Variants in PDZRN4 observed in about 807,000 individuals in gnomAD.
PDZRN4 encodes the protein PDZ domain containing ring finger 4, also known as PDZ domain-containing RING finger protein 4.
In PDZRN4, 70 loss-of-function variants were observed where a neutral mutation model predicts 99.0. The observed-to-expected ratio is 0.71, with a 90% CI of 0.58 to 0.86. The LOEUF is 0.86. Ranked by LOEUF, PDZRN4 falls within the 40% of genes least tolerant of loss-of-function variation. The probability of loss-of-function intolerance (pLI) is 0.00; values close to 1 mark genes in which losing one functional copy is unlikely to be tolerated. For missense variants in PDZRN4, 1,474 were observed against 1,331.2 expected (o/e 1.11, Z -1.67); for synonymous variants, 551 against 501.6 (o/e 1.10, Z -1.32).
In PDZRN4 at chr12:41,188,334, C is replaced by G. The variant is rs1950706544; in HGVS notation, c.-122C>G. 3 of 886,194 alleles carry G rather than the reference C, an allele frequency of 3.4e-6. No individual in the cohort carries two copies. In the Admixed American group the frequency reaches 9.1e-5, roughly 27 times the overall value. 54.9% of individuals were successfully genotyped at this position (886,194 alleles called of 1,614,324 possible). A position where few individuals can be genotyped will look rare whatever the true frequency, so the allele number is the denominator to read the frequency against. On this transcript the variant is annotated 5_prime_UTR_variant, in exon 1 of 10. Transcript: ENST00000402685. ...CAAACAGTGAGATCACACCTCCCAC[C>G]CGCCACCTCCCTCCACTGCCGCCGC...
intron 3 of PDZRN4, among the ~76,000 whole-genome samples, chr12:41,431,554 G>T (rs1952586209): frequency 6.6e-6 from 1 of 152,170 alleles, no homozygotes; most frequent in African/African-American, 2.4e-5. Context: ...AGCCTGTAGG[G>T]TAAGTGTTAT....
intron 3 of PDZRN4, among the ~76,000 whole-genome samples, chr12:41,413,904 G>T (rs1952420081): frequency 6.6e-6 from 1 of 152,076 alleles, no homozygotes; most frequent in Non-Finnish European, 1.5e-5. Context: ...TTATTTTAAA[G>T]AATCTGTGGG....
intron 3 of PDZRN4, among the ~76,000 whole-genome samples, chr12:41,434,824 G>T (rs769280447): frequency 6.6e-6 from 1 of 152,022 alleles, no homozygotes; most frequent in South Asian, 2.1e-4. Flanking sequence ...TTTTTATCCC[G>T]TATTATTATT....
At chr12:41,550,621 G>T (rs1391991842) in intron 5 of PDZRN4, among the ~76,000 whole-genome samples, 2 of 152,108 alleles carry the variant, frequency 1.3e-5, no homozygotes, top group East Asian at 3.9e-4. Context: ...TTACTGTGCA[G>T]CCTACACTAT....
At chr12:41,377,298 A>G (rs1952089237) in intron 3 of PDZRN4, among the ~76,000 whole-genome samples, 1 of 152,174 alleles carries the variant, frequency 6.6e-6, no homozygotes, top group Admixed American at 6.5e-5. Flanking sequence ...CATTGAATCT[A>G]TAGATAGCTT....
At chr12:41,393,507 T>TAA (rs61331927) in intron 3 of PDZRN4, among the ~76,000 whole-genome samples, 1 of 149,028 alleles carries the variant, frequency 6.7e-6, no homozygotes, top group Non-Finnish European at 1.5e-5. Flanking sequence ...CCTTCTAAAA[T>TAA]AAAAAAAAAA....
chr12:41,194,164 G>A lies in PDZRN4; in HGVS notation c.819G>A (p.Leu273=). The A allele has an allele frequency of 6.6e-7, 1 of 1,522,748 alleles. No homozygotes were observed. 94.3% of individuals were successfully genotyped at this position (1,522,748 alleles called of 1,614,324 possible). ...GACCTGCTGACAGAGCAGATGGCCT[G>A]GAGATTCATGACAAAATCATGGAGG... ...ENGPADRADG[L]EIHDKIMEVN... The change falls in exon 3 of 10, where the codon CTG becomes CTA. Residue 273 remains leucine, a synonymous_variant. Coordinates refer to ENST00000402685, the MANE Select transcript of PDZRN4 (RefSeq NM_001164595.2).
intron 3 of PDZRN4, among the ~76,000 whole-genome samples, chr12:41,275,468 G>T (rs1439901360): frequency 2.0e-5 from 3 of 152,024 alleles, no homozygotes; most frequent in Non-Finnish European, 4.4e-5. Flanking sequence ...CAAGTTGTTG[G>T]CAGGATTTTT....
chr12:41,256,222 G>A (rs1309127185), intron 3 of PDZRN4, among the ~76,000 whole-genome samples: 1 of 152,032 alleles, frequency 6.6e-6, no homozygotes, highest in Non-Finnish European at 1.5e-5. Flanking sequence ...AAAGGAAAAG[G>A]AAAACAAATT....
chr12:41,534,720 G>T (rs1465501197), intron 5 of PDZRN4, among the ~76,000 whole-genome samples: 1 of 151,926 alleles, frequency 6.6e-6, no homozygotes, highest in Non-Finnish European at 1.5e-5. Flanking sequence ...TTTTCCCTAG[G>T]TATAGAACTC....
intron 3 of PDZRN4, among the ~76,000 whole-genome samples, chr12:41,418,721 A>G (rs574714862): frequency 3.3e-5 from 5 of 152,228 alleles, no homozygotes; most frequent in African/African-American, 1.2e-4. Context: ...CTTGGAGGAG[A>G]GCTCTGATGT....
chr12:41,267,954 GC>G (rs1951289885), intron 3 of PDZRN4, among the ~76,000 whole-genome samples: 1 of 152,098 alleles, frequency 6.6e-6, no homozygotes, highest in Admixed American at 6.6e-5. Flanking sequence ...TGTTACTAAG[GC>G]TGCCATTGCT....
chr12:41,573,174 G>A lies in PDZRN4; in HGVS notation c.2395G>A (p.Glu799Lys), dbSNP rs1939514642. The A allele has an allele frequency of 1.2e-6, 2 of 1,614,010 alleles. No homozygotes were observed. The highest frequency in any genetic ancestry group is 8.5e-7 in the Non-Finnish European group (1 of 1,180,030). Reference protein sequence around the residue: ...ESTSTKAKTTEQGCSAESKEK... With the variant: ...ESTSTKAKTTKQGCSAESKEK... The stretch of plus-strand genomic sequence containing the variant: ...GACCTCCACCAAAGCCAAAACCACT[G>A]AGCAAGGTTGTAGCGCTGAAAGCAA... The change falls in exon 10 of 10, where the codon GAG (glutamate) becomes AAG (lysine). Residue 799 changes from glutamate (E) to lysine (K), a missense_variant. Transcript: ENST00000402685.
At chr12:41,420,879 T>C (rs1454626272) in intron 3 of PDZRN4, among the ~76,000 whole-genome samples, 1 of 152,184 alleles carries the variant, frequency 6.6e-6, no homozygotes, top group Non-Finnish European at 1.5e-5. Flanking sequence ...GAATAACATC[T>C]TTGTTCTGAG....
intron 3 of PDZRN4, among the ~76,000 whole-genome samples, chr12:41,318,206 T>A (rs1004630607): frequency 7.9e-5 from 12 of 152,164 alleles, no homozygotes; most frequent in African/African-American, 2.9e-4. Context: ...CAGAAGATAA[T>A]CAAAATGACC....
chr12:41,493,519 C>T (rs1227500433), intron 3 of PDZRN4, among the ~76,000 whole-genome samples: 1 of 152,112 alleles, frequency 6.6e-6, no homozygotes, highest in Non-Finnish European at 1.5e-5. Flanking sequence ...GTCTTGTTTG[C>T]TTGCTGAGGC....
chr12:41,435,013 A>G (rs539834814), intron 3 of PDZRN4, among the ~76,000 whole-genome samples: 1 of 152,328 alleles, frequency 6.6e-6, no homozygotes, highest in East Asian at 1.9e-4. Context: ...CCCTTTTCCA[A>G]GTCACTCTTC....
intron 3 of PDZRN4, among the ~76,000 whole-genome samples, chr12:41,207,019 G>A (rs892998891): frequency 1.7e-4 from 26 of 152,004 alleles, no homozygotes; most frequent in African/African-American, 5.5e-4. Flanking sequence ...TAGATACACT[G>A]TGTTACAAAT....
At chr12:41,555,810 A>T in intron 7 of PDZRN4, 50 bp downstream of exon 7, 1 of 1,389,422 alleles carries the variant, frequency 7.2e-7, no homozygotes, top group East Asian at 2.3e-5. Context: ...GTCCAAAGTT[A>T]CTATTTTACT....
Sources: allele counts gnomAD v4.1 joint callset (sites outside exome capture counted in the v4.1 genomes callset), GRCh38; gene constraint gnomAD v4.1.1; transcripts MANE v1.5; gene names NCBI Gene and HGNC (gene_info 2026-07-23, HGNC 2026-07-21).